THRB: variants seen among roughly 807,000 people sequenced by gnomAD.
The protein encoded by THRB is thyroid hormone receptor beta.
Under a neutral mutation model 47.8 loss-of-function variants are expected in THRB, and 12 were observed. The ratio of observed to expected loss-of-function variants is 0.25; its 90% confidence interval spans 0.16 to 0.41. THRB has a LOEUF of 0.41. THRB is among the 10% of genes least tolerant of loss of function. THRB has a pLI of 1.00. For synonymous variants in THRB, 218 were observed against 212.2 expected (o/e 1.03, Z -0.24); for missense variants, 348 against 589.2 (o/e 0.59, Z 4.24).
chr3:24,134,737 A>G (rs373075277), intron 8 of THRB, among the ~76,000 whole-genome samples: 292 of 152,290 alleles, frequency 1.9e-3, no homozygotes, highest in African/African-American at 6.9e-3. Context: ...GAATGTGACC[A>G]AGGAGATCAC....
intron 1 of THRB, among the ~76,000 whole-genome samples, chr3:24,348,278 A>T (rs1559990328): frequency 6.6e-6 from 1 of 152,146 alleles, no homozygotes; most frequent in Non-Finnish European, 1.5e-5. Flanking sequence ...ACACTCAGCA[A>T]ACTAGGTGTA....
At chr3:24,174,260 G>T (rs2040841354) in intron 5 of THRB, among the ~76,000 whole-genome samples, 1 of 152,132 alleles carries the variant, frequency 6.6e-6, no homozygotes, top group Non-Finnish European at 1.5e-5. Flanking sequence ...TTCAAATCCA[G>T]ATCTGTTCAA....
chr3:24,134,663 C>T (rs575167652), intron 8 of THRB, among the ~76,000 whole-genome samples: 2 of 152,288 alleles, frequency 1.3e-5, no homozygotes, highest in Admixed American at 6.5e-5. Context: ...CACTAATGAA[C>T]AGTATCTCTA....
intron 4 of THRB, among the ~76,000 whole-genome samples, chr3:24,207,037 C>T (rs142936187): frequency 1.9e-3 from 286 of 152,212 alleles, no homozygotes; most frequent in African/African-American, 6.4e-3. Flanking sequence ...CAGGACCAGA[C>T]GGATTCACAG....
At chr3:24,131,889 T>A (rs189785855) in intron 9 of THRB, among the ~76,000 whole-genome samples, 30 of 152,328 alleles carry the variant, frequency 2.0e-4, no homozygotes, top group Middle Eastern at 3.4e-3. Flanking sequence ...CTAAGACACC[T>A]GGCCCCCACC....
intron 1 of THRB, among the ~76,000 whole-genome samples, chr3:24,477,704 A>G (rs1216311590): frequency 1.3e-5 from 2 of 152,020 alleles, no homozygotes; most frequent in Non-Finnish European, 2.9e-5. Flanking sequence ...CAGGATACGT[A>G]CAGCACACAC....
intron 1 of THRB, among the ~76,000 whole-genome samples, chr3:24,444,162 G>A (rs988880628): frequency 5.3e-5 from 8 of 152,102 alleles, no homozygotes; most frequent in Non-Finnish European, 1.0e-4. Context: ...TGAGTATTTT[G>A]AACTTTGCTG....
At chr3:24,158,420 CT>C (rs869272206) in intron 5 of THRB, among the ~76,000 whole-genome samples, 2,465 of 107,392 alleles carry the variant, frequency 0.023, 80 homozygotes, top group African/African-American at 0.072. Context: ...AAAATGATAA[CT>C]TTTTTTTTTT....
intron 3 of THRB, among the ~76,000 whole-genome samples, chr3:24,264,888 C>T (rs1018488656): frequency 3.9e-5 from 6 of 151,926 alleles, no homozygotes; most frequent in Non-Finnish European, 7.4e-5. Flanking sequence ...GCCCCAGAAC[C>T]GTAGGTGGGT....
chr3:24,379,091 A>C (rs1046518954), intron 1 of THRB, among the ~76,000 whole-genome samples: 3 of 152,138 alleles, frequency 2.0e-5, no homozygotes, highest in Non-Finnish European at 4.4e-5. Flanking sequence ...AATTTCAAAG[A>C]CTGTGCATTT....
intron 1 of THRB, among the ~76,000 whole-genome samples, chr3:24,394,831 C>T (rs2066835121): frequency 6.6e-6 from 1 of 152,032 alleles, no homozygotes; most frequent in African/African-American, 2.4e-5. Flanking sequence ...CTAAGTGTCC[C>T]CCTGCAAGCA....
chr3:24,306,017 C>T (rs1416255450), intron 2 of THRB, among the ~76,000 whole-genome samples: 2 of 152,152 alleles, frequency 1.3e-5, no homozygotes, highest in East Asian at 1.9e-4. Flanking sequence ...CCTCCTCTTG[C>T]TAATTTAGAC....
intron 1 of THRB, among the ~76,000 whole-genome samples, chr3:24,443,371 C>T (rs550246079): frequency 6.6e-6 from 1 of 151,834 alleles, no homozygotes; most frequent in Non-Finnish European, 1.5e-5. Context: ...AAAAATAATC[C>T]CGATACAGAG....
chr3:24,162,161 C>T (rs1184214169), intron 5 of THRB, among the ~76,000 whole-genome samples: 4 of 151,350 alleles, frequency 2.6e-5, no homozygotes, highest in Admixed American at 2.6e-4. Context: ...GCACTTCCAC[C>T]CACAAAAGGA....
chr3:24,123,277 G>C, intron 10 of THRB, 152 bp from the exon 11 acceptor site: 2 of 1,076,172 alleles, frequency 1.9e-6, no homozygotes, highest in South Asian at 2.6e-5. Flanking sequence ...TGGTGCTCCA[G>C]GGACCAGGTA....
At chr3:24,242,262 G>T (rs1414208985) in intron 3 of THRB, among the ~76,000 whole-genome samples, 1 of 152,144 alleles carries the variant, frequency 6.6e-6, no homozygotes, top group Non-Finnish European at 1.5e-5. Context: ...TCTGTTTCCT[G>T]CTGGGAGGGG....
intron 8 of THRB, among the ~76,000 whole-genome samples, chr3:24,137,794 T>C (rs894001355): frequency 1.3e-5 from 2 of 152,044 alleles, no homozygotes; most frequent in Non-Finnish European, 2.9e-5. Flanking sequence ...GGAGAAGATA[T>C]GCGGGGAGTC....
intron 4 of THRB, among the ~76,000 whole-genome samples, chr3:24,205,072 A>T (rs1031473789): frequency 6.6e-6 from 1 of 152,194 alleles, no homozygotes; most frequent in East Asian, 1.9e-4. Flanking sequence ...AAGCTGGAAA[A>T]CACTCTGCAG....
chr3:24,443,953 A>G (rs2071803638), intron 1 of THRB, among the ~76,000 whole-genome samples: 1 of 152,196 alleles, frequency 6.6e-6, no homozygotes, highest in Admixed American at 6.5e-5. Context: ...TGGCTTCCAT[A>G]TTATATTCTC....
Sources: gnomAD v4.1 joint callset for allele counts (sites outside exome capture counted in the v4.1 genomes callset) on GRCh38, gnomAD v4.1.1 for gene constraint, MANE v1.5 for transcripts, NCBI Gene and HGNC (gene_info 2026-07-23, HGNC 2026-07-21) for gene names.